GNAL: variants seen among roughly 807,000 people sequenced by gnomAD.
The protein encoded by GNAL is G protein subunit alpha L, also known as guanine nucleotide-binding protein G(olf) subunit alpha.
GNAL carries 18 observed loss-of-function variants against 55.1 expected under a neutral mutation model. The ratio of observed to expected loss-of-function variants is 0.33; its 90% CI spans 0.23 to 0.48. GNAL has a LOEUF of 0.48. Ranked by LOEUF, GNAL falls within the 20% of genes least tolerant of loss-of-function variation. The probability of loss-of-function intolerance (pLI) is 0.99; values close to 1 mark genes in which losing one functional copy is unlikely to be tolerated. For synonymous variants in GNAL, 253 were observed against 237.0 expected (o/e 1.07, Z -0.62); for missense variants, 412 against 614.1 (o/e 0.67, Z 3.48).
chr18:11,715,885 GA>G (rs958993006), intron 1 of GNAL, among the ~76,000 whole-genome samples: 4,556 of 142,106 alleles, frequency 0.032, 72 homozygotes, highest in African/African-American at 0.045. Context: ...ATGAACATAT[GA>G]AAAAAAAAAA....
At chr18:11,690,956 G>C (rs1418215699) in intron 1 of GNAL, among the ~76,000 whole-genome samples, 1 of 148,432 alleles carries the variant, frequency 6.7e-6, no homozygotes, top group Non-Finnish European at 1.5e-5. Context: ...ATGATTTATA[G>C]TCCTTTGGGT....
intron 4 of GNAL, among the ~76,000 whole-genome samples, chr18:11,783,766 C>CT (rs1333953495): frequency 2.6e-5 from 4 of 152,070 alleles, no homozygotes; most frequent in African/African-American, 9.7e-5. Flanking sequence ...TTTCTATGCT[C>CT]TTTTTTTCAT....
intron 2 of GNAL, 101 bp from the exon 3 acceptor site, chr18:11,753,527 G>A (rs2032933547): frequency 1.3e-6 from 1 of 771,886 alleles, no homozygotes; most frequent in Non-Finnish European, 2.3e-6. Flanking sequence ...AGTGAAACCA[G>A]TCTAGGTCAG....
chr18:11,824,070 A>C lies in GNAL; in HGVS notation c.625-848A>C, dbSNP rs576775566. Among the ~76,000 whole-genome samples the C allele has an allele frequency of 1.3e-5, 2 of 152,222 alleles. 1 individual carries two copies. The highest frequency in any genetic ancestry group is 4.1e-4 in the South Asian group (2 of 4,824). On this transcript the variant is annotated intron_variant, in intron 4 of 11. Coordinates refer to ENST00000334049, the MANE Select transcript of GNAL (RefSeq NM_182978.4). Reference sequence around the variant, plus strand: ...ACTCCTAGTTTTTTTTAAACGAAAAAAGAAATAAATTATCATCCTCAAAGT... The same window carrying C: ...ACTCCTAGTTTTTTTTAAACGAAAACAGAAATAAATTATCATCCTCAAAGT...
intron 9 of GNAL, among the ~76,000 whole-genome samples, chr18:11,872,067 G>C (rs2036410352): frequency 6.6e-6 from 1 of 152,162 alleles, no homozygotes; most frequent in African/African-American, 2.4e-5. Flanking sequence ...TGTGTTTTTG[G>C]ATTAGGGATG....
chr18:11,834,708 ACT>A (rs2035462966), intron 5 of GNAL, among the ~76,000 whole-genome samples: 1 of 152,168 alleles, frequency 6.6e-6, no homozygotes, highest in Non-Finnish European at 1.5e-5. Context: ...ACAGAGTGAG[ACT>A]CTGTCTCAAA....
intron 1 of GNAL, among the ~76,000 whole-genome samples, chr18:11,705,716 G>T (rs1428826150): frequency 1.3e-5 from 2 of 148,310 alleles, no homozygotes; most frequent in Non-Finnish European, 3.0e-5. Context: ...TAATAACATT[G>T]AGCTTTTCAT....
At chr18:11,691,007 T>C (rs2031230553) in intron 1 of GNAL, among the ~76,000 whole-genome samples, 1 of 148,452 alleles carries the variant, frequency 6.7e-6, no homozygotes, top group African/African-American at 2.6e-5. Context: ...ATGGTATTTC[T>C]AGTTCTAGAT....
chr18:11,747,282 G>C (rs1377140427), intron 1 of GNAL: 7 of 224,330 alleles, frequency 3.1e-5, no homozygotes, highest in African/African-American at 1.6e-4. Context: ...AGACCCTGAA[G>C]AGATTCTCTG....
chr18:11,859,817 C>G (rs144366911), intron 5 of GNAL, among the ~76,000 whole-genome samples: 1 of 150,362 alleles, frequency 6.7e-6, no homozygotes, highest in African/African-American at 2.4e-5. Flanking sequence ...GTGATCTCGG[C>G]TCACTACAAC....
At chr18:11,768,827 G>A in intron 4 of GNAL, among the ~76,000 whole-genome samples, 1 of 146,196 alleles carries the variant, frequency 6.8e-6, no homozygotes, top group Non-Finnish European at 1.5e-5. Flanking sequence ...CCGGGAGGCG[G>A]AGCTTGCAGT....
intron 4 of GNAL, among the ~76,000 whole-genome samples, chr18:11,800,076 G>A (rs189247870): frequency 4.1e-4 from 62 of 152,172 alleles, no homozygotes; most frequent in Admixed American, 1.4e-3. Flanking sequence ...CCTATGGCAC[G>A]TGCTGTTTTT....
intron 1 of GNAL, among the ~76,000 whole-genome samples, chr18:11,704,429 G>A (rs1480337487): frequency 6.6e-6 from 1 of 152,222 alleles, no homozygotes; most frequent in Non-Finnish European, 1.5e-5. Context: ...AATGGCCCAG[G>A]GTCTTCCGGC....
chr18:11,847,685 T>C (rs553895253), intron 5 of GNAL, among the ~76,000 whole-genome samples: 1 of 152,328 alleles, frequency 6.6e-6, no homozygotes, highest in East Asian at 1.9e-4. Flanking sequence ...AAGGTTTCAA[T>C]GTTAACGTGG....
At chr18:11,779,007 A>G (rs188822423) in intron 4 of GNAL, among the ~76,000 whole-genome samples, 29 of 152,034 alleles carry the variant, frequency 1.9e-4, no homozygotes, top group African/African-American at 7.0e-4. Flanking sequence ...GTATCTCCCA[A>G]TCCATGATGG....
chr18:11,756,603 C>A (rs948941459), intron 4 of GNAL, among the ~76,000 whole-genome samples: 1 of 151,842 alleles, frequency 6.6e-6, no homozygotes, highest in African/African-American at 2.4e-5. Context: ...GTTAAATATG[C>A]AACATTCCTT....
intron 4 of GNAL, among the ~76,000 whole-genome samples, chr18:11,794,384 A>G (rs533165693): frequency 6.6e-6 from 1 of 152,350 alleles, no homozygotes; most frequent in African/African-American, 2.4e-5. Context: ...GTGCAAGGGA[A>G]TATTACTCAG....
chr18:11,724,412 G>C (rs974488364), intron 1 of GNAL, among the ~76,000 whole-genome samples: 1 of 152,214 alleles, frequency 6.6e-6, no homozygotes, highest in African/African-American at 2.4e-5. Context: ...CCGGCTAAAA[G>C]GATGTCCCTT....
In GNAL at chr18:11,689,854, G is replaced by A; in HGVS notation, c.291G>A (p.Glu97=). The change falls in exon 1 of 12, where the codon GAG becomes GAA. Residue 97 remains glutamate, a synonymous_variant. Coordinates refer to ENST00000334049, the MANE Select transcript of GNAL (RefSeq NM_182978.4). The part of the protein sequence containing the change: ...EAAKEREAVK[E]ARKVSRGIDR... ...CCAAGGAGCGCGAGGCGGTCAAGGAGGCGAGGAAAGTGAGCCGGGGCATCG... is the reference window on the plus strand; with the variant it reads ...CCAAGGAGCGCGAGGCGGTCAAGGAAGCGAGGAAAGTGAGCCGGGGCATCG... The A allele has an allele frequency of 1.3e-6, 2 of 1,524,996 alleles. No individual in the cohort carries two copies. The highest frequency in any genetic ancestry group is 1.4e-5 in the African/African-American group (1 of 70,088). 94.5% of individuals were successfully genotyped at this position (1,524,996 alleles called of 1,614,324 possible). A position where few individuals can be genotyped will look rare whatever the true frequency, so the allele number is the denominator to read the frequency against.
Sources: allele counts gnomAD v4.1 joint callset (sites outside exome capture counted in the v4.1 genomes callset), GRCh38; gene constraint gnomAD v4.1.1; transcripts MANE v1.5; gene names NCBI Gene and HGNC (gene_info 2026-07-23, HGNC 2026-07-21).